The following CRELD1 variants were observed in gnomAD, a reference collection of about 807,000 sequenced individuals.
The protein encoded by CRELD1 is protein disulfide isomerase CRELD1.
CRELD1 carries 42 observed loss-of-function variants against 58.2 expected under a neutral mutation model. The observed-to-expected ratio is 0.72, with a 90% confidence interval of 0.56 to 0.93. The LOEUF (loss-of-function observed/expected upper bound fraction) is 0.93. Ranked by LOEUF, CRELD1 falls within the 40% of genes least tolerant of loss-of-function variation. CRELD1 has a pLI of 0.00. For missense variants in CRELD1, 500 were observed against 540.6 expected (o/e 0.92, Z 0.74); for synonymous variants, 222 against 202.0 (o/e 1.10, Z -0.84).
At chr3:9,943,303 GT>G in intron 9 of CRELD1, 77 bp from the exon 10 acceptor site, 8 of 1,605,996 alleles carry the variant, frequency 5.0e-6, no homozygotes, top group Non-Finnish European at 6.8e-6. Context: ...AGAGGGGAGT[GT>G]TGAGAGATGG....
intron 5 of CRELD1, among the ~76,000 whole-genome samples, chr3:9,939,180 TAAATAAAA>T (rs2085278578): frequency 7.4e-6 from 1 of 135,210 alleles, no homozygotes; most frequent in African/African-American, 3.1e-5. Context: ...AATAAATAAA[TAAATAAAA>T]GGTCTGTAAA....
At chr3:9,935,020 C>T in intron 3 of CRELD1, 103 bp downstream of exon 3, 1 of 934,542 alleles carries the variant, frequency 1.1e-6, no homozygotes, top group Non-Finnish European at 1.6e-6. Context: ...ATTCATTCAA[C>T]AAATAGCACT....
At chr3:9,934,940 GGT>G in intron 3 of CRELD1, 23 bp downstream of exon 3, 1 of 1,584,726 alleles carries the variant, frequency 6.3e-7, no homozygotes, top group Non-Finnish European at 8.6e-7. Flanking sequence ...TGGGGGAAGG[GGT>G]GTATATTCCC....
In CRELD1 at chr3:9,944,584, G is replaced by A. The variant is rs367598856; in HGVS notation, c.*5G>A. On this transcript the variant is annotated 3_prime_UTR_variant, in exon 11 of 11. Coordinates refer to ENST00000452070, the MANE Select transcript of CRELD1 (RefSeq NM_001077415.3). ...GGCTTCATCAAGGGCAGATAATCGCGGCCACCACCTGTAGGACCTCCTCCC... is the reference window on the plus strand; with the variant it reads ...GGCTTCATCAAGGGCAGATAATCGCAGCCACCACCTGTAGGACCTCCTCCC... 2.7e-5 allele frequency: 43 copies of A among 1,597,576 alleles called. No homozygotes were observed. Among genetic ancestry groups the A allele is most frequent in the Middle Eastern group, 2.2e-4 (1 of 4,464 alleles).
At chr3:9,944,037 A>C (rs746694494) in intron 10 of CRELD1, 4 of 840,408 alleles carry the variant, frequency 4.8e-6, no homozygotes, top group Non-Finnish European at 8.5e-6. Flanking sequence ...TATGGCAAGC[A>C]AGTCGCAAAG....
intron 5 of CRELD1, among the ~76,000 whole-genome samples, chr3:9,939,966 C>T (rs1044058044): frequency 6.6e-6 from 1 of 151,412 alleles, no homozygotes; most frequent in Admixed American, 6.6e-5. Flanking sequence ...GGGGGGCTGA[C>T]CCCCTCACCT....
At chr3:9,938,391 A>G (rs1054884678) in intron 5 of CRELD1, 2 of 421,392 alleles carry the variant, frequency 4.7e-6, no homozygotes, top group Non-Finnish European at 4.4e-6. Context: ...AGATCGGACT[A>G]TGGTACCTTC....
intron 10 of CRELD1, chr3:9,943,922 G>T (rs755386150): frequency 9.0e-6 from 14 of 1,560,652 alleles, no homozygotes; most frequent in Non-Finnish European, 1.2e-5. Context: ...CATCTTAACT[G>T]ATTTAACCCC....
rs956604786 is a variant in CRELD1 at position 9,934,816 on chromosome 3, A to G, written c.175-19A>G. 6.9e-6 allele frequency: 11 copies of G among 1,604,706 alleles called. No individual in the cohort carries two copies. Among genetic ancestry groups the G allele is most frequent in the African/African-American group, 1.3e-5 (1 of 74,694 alleles). On this transcript the variant is annotated intron_variant, in intron 2 of 10. Coordinates refer to ENST00000452070, the MANE Select transcript of CRELD1 (RefSeq NM_001077415.3). ...GTGCCAGGCACTGTACTTAGCTATT[A>G]CTAATTTTCTGTTTCCAGGGCCTGG...
chr3:9,933,891 T>A lies in CRELD1; in HGVS notation c.-49T>A. On this transcript the variant is annotated 5_prime_UTR_variant, in exon 1 of 11. Transcript: ENST00000452070. ...CCACGGCGCCCGCGGGCTGGGGCGG[T>A]CGCTTCTTCCTTCTCCGTGGCCTAC... 1 of 455,342 alleles carries A rather than the reference T, an allele frequency of 2.2e-6. No homozygotes were observed. Among genetic ancestry groups the A allele is most frequent in the South Asian group, 2.6e-5 (1 of 39,162 alleles). 28.2% of individuals were successfully genotyped at this position (455,342 alleles called of 1,614,324 possible).
chr3:9,937,262 C>T (rs1435970391), intron 3 of CRELD1, among the ~76,000 whole-genome samples: 1 of 152,130 alleles, frequency 6.6e-6, no homozygotes, highest in Non-Finnish European at 1.5e-5. Context: ...GTATTATATT[C>T]CATTGCTCAG....
chr3:9,939,990 G>A (rs1423648168), intron 5 of CRELD1, among the ~76,000 whole-genome samples: 1 of 152,084 alleles, frequency 6.6e-6, no homozygotes, highest in East Asian at 1.9e-4. Flanking sequence ...TCCCGGACGG[G>A]CTGGCTGCCC....
rs538348962 is a variant in CRELD1, at chr3:9,941,222, G to A, written c.733+16G>A. 2.5e-4 allele frequency: 409 copies of A among 1,608,180 alleles called. 5 individuals are homozygous for A. The South Asian group carries it at 4.3e-3, about 17-fold the overall frequency. ...AAGTGTGTAGGTAAGTGGGGCCCTA[G>A]CTAGGTCTGGGAAGATGGTCAGGGG... On this transcript the variant is annotated intron_variant, in intron 7 of 10. Transcript: ENST00000452070.
At position 9,943,508 on chromosome 3, in the gene CRELD1, G is replaced by A; in HGVS notation, c.1041G>A (p.Gln347=). Residue 347 remains glutamine (Q), a synonymous_variant, in exon 10 of 11, where the codon CAG becomes CAA. Transcript: ENST00000452070. The stretch of plus-strand genomic sequence containing the variant: ...TGGAAGGCATCTGTGTGAAGGAGCA[G>A]ATCCCAGGTGAGCCCTGGGGCGGGA... The part of the protein sequence containing the change: ...KQMEGICVKE[Q]IPESAGFFSE... 1.9e-6 allele frequency: 3 copies of A among 1,614,084 alleles called. No homozygotes were observed. Among genetic ancestry groups the A allele is most frequent in the Non-Finnish European group, 2.5e-6 (3 of 1,180,010 alleles).
rs774691347 is a variant in CRELD1, at chr3:9,934,551, C to A, written c.113C>A (p.Ser38Tyr). Residue 38 changes from serine (S) to tyrosine (Y), a missense_variant, in exon 2 of 11, where the codon TCT becomes TAT. Coordinates refer to ENST00000452070, the MANE Select transcript of CRELD1 (RefSeq NM_001077415.3). ...CAGCCCTCTCCACCTCCCCAGTCTT[C>A]TCCCCCGCCTCAGCCCCATCCGTGT... ...WLQPSPPPQSSPPPQPHPCHT... is the reference protein window; with the variant it reads ...WLQPSPPPQSYPPPQPHPCHT... The A allele has an allele frequency of 6.2e-7, 1 of 1,614,136 alleles. No individual in the cohort carries two copies.
At chr3:9,935,045 T>G in intron 3 of CRELD1, 128 bp downstream of exon 3, 2 of 783,650 alleles carry the variant, frequency 2.6e-6, no homozygotes, top group South Asian at 1.8e-5. Context: ...ATCTATAGTA[T>G]AGCAGTAAAC....
chr3:9,937,550 C>T lies in CRELD1; in HGVS notation c.258-12C>T. 6.3e-7 allele frequency: 1 copy of T among 1,595,944 alleles called. No individual in the cohort carries two copies. Among genetic ancestry groups the T allele is most frequent in the Non-Finnish European group, 8.6e-7 (1 of 1,167,362 alleles). ...GGGCATGTTTCCCACCAGCCCTGCCCTGTCCGATCAGTGAGACCCGCCTGG... is the reference window on the plus strand; with the variant it reads ...GGGCATGTTTCCCACCAGCCCTGCCTTGTCCGATCAGTGAGACCCGCCTGG... On this transcript the variant is annotated splice_polypyrimidine_tract_variant and intron_variant, in intron 3 of 10. Coordinates refer to ENST00000452070, the MANE Select transcript of CRELD1 (RefSeq NM_001077415.3).
chr3:9,943,272 G>C (rs1226160993), intron 9 of CRELD1, 100 bp downstream of exon 9: 2 of 1,599,014 alleles, frequency 1.3e-6, no homozygotes, highest in East Asian at 4.5e-5. Context: ...AGGAAGGGTG[G>C]AATGTTGCCT....
Position 9,934,872 on chromosome 3 carries a change from G to A in CRELD1, c.212G>A (p.Gly71Glu), listed in dbSNP as rs1477998278. ...ACCATCCGGGACAACTTTGGAGGTG[G>A]AAACACTGCCTGGGAGGAAGAGAAT... ...ERTIRDNFGG[G>E]NTAWEEENLS... The change falls in exon 3 of 11, where the codon GGA becomes GAA. Residue 71 changes from glycine (G) to glutamate (E), a missense_variant. Physicochemically the swap from Gly to Glu is moderately conservative, Grantham distance 98. Coordinates refer to ENST00000452070, the MANE Select transcript of CRELD1 (RefSeq NM_001077415.3). 2 of 1,613,168 alleles carry A rather than the reference G, an allele frequency of 1.2e-6. No individual in the cohort carries two copies. The highest frequency in any genetic ancestry group is 1.7e-5 in the Admixed American group (1 of 59,890).
Sources: allele counts gnomAD v4.1 joint callset (sites outside exome capture counted in the v4.1 genomes callset), GRCh38; gene constraint gnomAD v4.1.1; transcripts MANE v1.5; gene names NCBI Gene and HGNC (gene_info 2026-07-23, HGNC 2026-07-21).